Variants in TENM3 observed in about 807,000 individuals in gnomAD.
TENM3 encodes teneurin transmembrane protein 3.
TENM3 carries 63 observed loss-of-function variants against 255.1 expected under a neutral mutation model. The ratio of observed to expected loss-of-function variants is 0.25; its 90% CI spans 0.20 to 0.30. TENM3 has a LOEUF of 0.30. Ranked by LOEUF, TENM3 falls within the 10% of genes least tolerant of loss-of-function variation. TENM3 has a pLI of 1.00. For missense variants in TENM3, 2,929 were observed against 3,461.1 expected, an observed-to-expected ratio of 0.85 and a Z score of 3.86; for synonymous variants, 1,306 against 1,322.3, an observed-to-expected ratio of 0.99 and a Z score of 0.27.
the TENM3 span, among the ~76,000 whole-genome samples, chr4:181,487,147 T>G: frequency 6.6e-6 from 1 of 152,282 alleles, no homozygotes; most frequent in African/African-American, 2.4e-5. Context: ...TATAGTCAAT[T>G]AGAGATTGTA....
At chr4:181,654,572 G>A in the TENM3 span, among the ~76,000 whole-genome samples, 1 of 152,078 alleles carries the variant, frequency 6.6e-6, no homozygotes, top group East Asian at 1.9e-4. Flanking sequence ...TGGCCAACAT[G>A]GTGAAACCCC....
the TENM3 span, among the ~76,000 whole-genome samples, chr4:181,979,575 A>G: frequency 6.6e-6 from 1 of 152,178 alleles, no homozygotes; most frequent in African/African-American, 2.4e-5. Context: ...GTGCTCTGCC[A>G]CAGGGAGAAC....
At chr4:182,495,752 A>G (rs990615139) in intron 3 of TENM3, among the ~76,000 whole-genome samples, 4 of 152,224 alleles carry the variant, frequency 2.6e-5, no homozygotes, top group African/African-American at 7.2e-5. Flanking sequence ...AGTTCACAGT[A>G]CTAAAGTCAT....
intron 1 of TENM3, among the ~76,000 whole-genome samples, chr4:182,181,446 A>T (rs1456304888): frequency 4.6e-5 from 7 of 152,312 alleles, no homozygotes; most frequent in Admixed American, 3.3e-4. Context: ...TTCTTAACAA[A>T]ACCAGTATTA....
At chr4:182,452,651 A>G (rs1298856526) in intron 3 of TENM3, among the ~76,000 whole-genome samples, 1 of 152,268 alleles carries the variant, frequency 6.6e-6, no homozygotes, top group Non-Finnish European at 1.5e-5. Context: ...ATGAATGATA[A>G]GTGCTATTTT....
the TENM3 span, among the ~76,000 whole-genome samples, chr4:181,777,950 A>G: frequency 6.6e-6 from 1 of 152,094 alleles, no homozygotes; most frequent in African/African-American, 2.4e-5. Flanking sequence ...CAGGAGACTT[A>G]GCTTATAATT....
At chr4:181,616,569 G>A in the TENM3 span, among the ~76,000 whole-genome samples, 1 of 151,404 alleles carries the variant, frequency 6.6e-6, no homozygotes, top group Non-Finnish European at 1.5e-5. Context: ...GATTTAGTGG[G>A]GGAATTGGGT....
chr4:182,022,551 A>G, the TENM3 span, among the ~76,000 whole-genome samples: 3 of 151,774 alleles, frequency 2.0e-5, no homozygotes, highest in East Asian at 1.9e-4. Context: ...AAAAAAATCC[A>G]AAAAGAAAAG....
the TENM3 span, among the ~76,000 whole-genome samples, chr4:181,682,635 G>C: frequency 3.3e-5 from 5 of 152,246 alleles, no homozygotes; most frequent in South Asian, 1.0e-3. Context: ...GGATTGACTT[G>C]TACCACATGG....
At chr4:182,679,596 A>G in intron 7 of TENM3, 70 bp from the exon 8 acceptor site, 1 of 1,200,568 alleles carries the variant, frequency 8.3e-7, no homozygotes, top group Non-Finnish European at 1.2e-6. Flanking sequence ...GACAGATTGA[A>G]GAGAAAAAAA....
the TENM3 span, among the ~76,000 whole-genome samples, chr4:181,813,802 G>C: frequency 6.6e-6 from 1 of 152,178 alleles, no homozygotes; most frequent in Non-Finnish European, 1.5e-5. Context: ...TACGGAGGTA[G>C]AAGGAGAAAA....
intron 3 of TENM3, chr4:182,349,857 G>T: frequency 2.6e-6 from 1 of 377,990 alleles, no homozygotes; most frequent in Non-Finnish European, 5.2e-6. Context: ...ATGTGTTCTT[G>T]GAAGTTCTAT....
the TENM3 span, among the ~76,000 whole-genome samples, chr4:182,042,024 T>G: frequency 6.6e-6 from 1 of 152,190 alleles, no homozygotes; most frequent in East Asian, 1.9e-4. Context: ...AGAGAGAATT[T>G]TCTACCAGGA....
the TENM3 span, among the ~76,000 whole-genome samples, chr4:181,890,681 T>C: frequency 2.6e-5 from 4 of 152,238 alleles, no homozygotes; most frequent in East Asian, 7.7e-4. Flanking sequence ...GAAGTGTCTA[T>C]TATACAGCAA....
intron 3 of TENM3, among the ~76,000 whole-genome samples, chr4:182,386,627 C>T (rs963769827): frequency 4.0e-5 from 6 of 148,278 alleles, no homozygotes; most frequent in Middle Eastern, 3.3e-3. Context: ...TCCGGGTGGG[C>T]GTGGGCTTGG....
the TENM3 span, among the ~76,000 whole-genome samples, chr4:181,482,151 T>C: frequency 1.3e-5 from 2 of 152,276 alleles, no homozygotes; most frequent in Non-Finnish European, 2.9e-5. Context: ...TAATTGTATC[T>C]ATTAATAGGG....
At chr4:182,434,284 C>T (rs1257683273) in intron 3 of TENM3, among the ~76,000 whole-genome samples, 1 of 152,054 alleles carries the variant, frequency 6.6e-6, no homozygotes, top group African/African-American at 2.4e-5. Context: ...AAGGCAAAAT[C>T]AGAAGCAGGA....
At chr4:182,448,912 G>A (rs1029560880) in intron 3 of TENM3, 1 of 339,732 alleles carries the variant, frequency 2.9e-6, no homozygotes, top group South Asian at 2.1e-5. Flanking sequence ...GCGGCGCACC[G>A]CCCCCTCGGC....
Position 182,730,305 on chromosome 4 carries a change from C to T in TENM3, c.2691C>T (p.Thr897=). ...ACCCAGAATATGGATATACTATTAC[C>T]CGCCAGGACGGAATGTGAGTTAGTC... ...FHYPEYGYTI[T]RQDGMFDLVA... Residue 897 remains threonine (T), a synonymous_variant, in exon 15 of 28, where the codon ACC becomes ACT. Coordinates refer to ENST00000511685, the MANE Select transcript of TENM3 (RefSeq NM_001080477.4). The T allele has an allele frequency of 6.2e-7, 1 of 1,613,592 alleles. No homozygotes were observed. Among genetic ancestry groups the T allele is most frequent in the East Asian group, 2.2e-5 (1 of 44,852 alleles).
Sources: gnomAD v4.1 joint callset for allele counts (sites outside exome capture counted in the v4.1 genomes callset) on GRCh38, gnomAD v4.1.1 for gene constraint, MANE v1.5 for transcripts, NCBI Gene and HGNC (gene_info 2026-07-23, HGNC 2026-07-21) for gene names.